Variants in B3GALT5 observed in about 807,000 individuals in gnomAD.
B3GALT5 encodes the protein UDP-Gal:betaGlcNAc beta 1,3-galactosyltransferase, polypeptide 5.
For missense variants in B3GALT5, 328 were observed against 396.6 expected (o/e 0.83, Z 1.47); for synonymous variants, 156 against 158.6 (o/e 0.98, Z 0.12).
Position 39,640,344 on chromosome 21 carries a change from A to C in B3GALT5, c.-391-6048A>C, listed in dbSNP as rs143300373. On this transcript the variant is annotated intron_variant, in intron 1 of 3. Coordinates refer to ENST00000684187, the MANE Select transcript of B3GALT5 (RefSeq NM_001356336.2). ...TCTTGGTTGGCTTGTCACCCTAGAGAGTGGCTGCTTAGGAGCCTAGTTGCA... is the reference window on the plus strand; with the variant it reads ...TCTTGGTTGGCTTGTCACCCTAGAGCGTGGCTGCTTAGGAGCCTAGTTGCA... Among the ~76,000 whole-genome samples, 277 of 152,238 alleles carry C rather than the reference A, an allele frequency of 1.8e-3. 1 individual carries two copies. The highest frequency in any genetic ancestry group is 6.1e-3 in the African/African-American group (253 of 41,544).
At chr21:39,627,945 C>T (rs1335770389) in intron 1 of B3GALT5, among the ~76,000 whole-genome samples, 1 of 152,140 alleles carries the variant, frequency 6.6e-6, no homozygotes, top group East Asian at 1.9e-4. Context: ...ATCAGTGTAA[C>T]TGTACACAGA....
intron 1 of B3GALT5, among the ~76,000 whole-genome samples, chr21:39,628,097 G>A (rs1053274881): frequency 6.6e-6 from 1 of 152,142 alleles, no homozygotes; most frequent in African/African-American, 2.4e-5. Context: ...GAAATTACGT[G>A]TGCAATAACA....
chr21:39,651,998 T>C (rs532786611), intron 2 of B3GALT5, among the ~76,000 whole-genome samples: 16 of 152,288 alleles, frequency 1.1e-4, no homozygotes, highest in Admixed American at 9.2e-4. Context: ...GATGTAAGGA[T>C]GTTTGTTGTG....
At position 39,659,684 on chromosome 21, in the gene B3GALT5, G is replaced by A. The variant is rs149852495; in HGVS notation, c.-160-69G>A. ...GGTTGGAAGGTGACGCTACAGACAC[G>A]GTAAATTGTGAAGGCCTGCTGGTAA... On this transcript the variant is annotated intron_variant, in intron 2 of 3. Transcript: ENST00000684187. 4,831 of 907,996 alleles carry A rather than the reference G, an allele frequency of 5.3e-3. 21 individuals are homozygous for A. Among genetic ancestry groups the A allele is most frequent in the Admixed American group, 8.3e-3 (135 of 16,190 alleles). 56.2% of individuals were successfully genotyped at this position (907,996 alleles called of 1,614,324 possible).
chr21:39,650,124 G>C (rs544315958), intron 2 of B3GALT5, among the ~76,000 whole-genome samples: 1 of 152,216 alleles, frequency 6.6e-6, no homozygotes. Flanking sequence ...TCCCGAGGCA[G>C]TGGAAGGGCC....
chr21:39,638,074 A>G (rs1395171099), intron 1 of B3GALT5, among the ~76,000 whole-genome samples: 12 of 152,170 alleles, frequency 7.9e-5, no homozygotes, highest in Admixed American at 7.9e-4. Flanking sequence ...AGAGGGGAAG[A>G]GAAGTGCTGG....
intron 1 of B3GALT5, among the ~76,000 whole-genome samples, 192 bp from the exon 2 acceptor site, chr21:39,646,200 A>G (rs1337634191): frequency 2.6e-5 from 4 of 150,964 alleles, no homozygotes; most frequent in African/African-American, 4.9e-5. Context: ...GCTTCTCAAC[A>G]CTCCTGAGGA....
At position 39,634,149 on chromosome 21, in the gene B3GALT5, C is replaced by T. The variant is rs142580705; in HGVS notation, c.-391-12243C>T. Reference sequence around the variant, plus strand: ...CTACCCAATTCTGTTTTCTTTTCAACGTCGGGTCTTATTAAATTGACTTGG... The same window carrying T: ...CTACCCAATTCTGTTTTCTTTTCAATGTCGGGTCTTATTAAATTGACTTGG... On this transcript the variant is annotated intron_variant, in intron 1 of 3. Transcript: ENST00000684187. 5.1e-4 allele frequency among the ~76,000 whole-genome samples: 77 copies of T among 152,252 alleles called. No homozygotes were observed. In the East Asian group the frequency reaches 7.5e-3, roughly 15 times the overall value.
At chr21:39,639,429 T>C in intron 1 of B3GALT5, among the ~76,000 whole-genome samples, 1 of 115,338 alleles carries the variant, frequency 8.7e-6, no homozygotes, top group Non-Finnish European at 1.9e-5. Context: ...TCTTTCTTTC[T>C]TTCTTTCTTT....
rs1002449398 is a variant in B3GALT5 at position 39,646,111 on chromosome 21, A to G, written c.-391-281A>G. Among the ~76,000 whole-genome samples the G allele has an allele frequency of 1.7e-4, 26 of 151,994 alleles. 1 individual carries two copies. Among genetic ancestry groups the G allele is most frequent in the African/African-American group, 5.6e-4 (23 of 41,354 alleles). ...TCGAGAACAGAGAATGCGTGGTGCG[A>G]CCGAAGGTCTCCTGCTGGTGTGGAA... On this transcript the variant is annotated intron_variant, in intron 1 of 3. Coordinates refer to ENST00000684187, the MANE Select transcript of B3GALT5 (RefSeq NM_001356336.2).
chr21:39,629,508 A>C (rs1338924692), intron 1 of B3GALT5, among the ~76,000 whole-genome samples: 2 of 151,922 alleles, frequency 1.3e-5, no homozygotes, highest in African/African-American at 4.8e-5. Flanking sequence ...TAATTTTATT[A>C]TTCCTGCTAT....
At chr21:39,633,408 T>G (rs118127970) in intron 1 of B3GALT5, among the ~76,000 whole-genome samples, 1 of 152,340 alleles carries the variant, frequency 6.6e-6, no homozygotes, top group East Asian at 1.9e-4. Context: ...GTTAACAGAA[T>G]AGTGCTATGG....
intron 1 of B3GALT5, among the ~76,000 whole-genome samples, chr21:39,640,295 G>A (rs566846061): frequency 6.6e-6 from 1 of 152,118 alleles, no homozygotes; most frequent in African/African-American, 2.4e-5. Flanking sequence ...GATAAGCAGG[G>A]TCCCACCAGC....
In B3GALT5 at chr21:39,633,520, C is replaced by T. The variant is rs544026817; in HGVS notation, c.-391-12872C>T. On this transcript the variant is annotated intron_variant, in intron 1 of 3. Coordinates refer to ENST00000684187, the MANE Select transcript of B3GALT5 (RefSeq NM_001356336.2). Reference sequence around the variant, plus strand: ...CACTGTGAAATGGGTTTCTAAGGGGCGATATTATAATTTGCTTTCTTAAGA... The same window carrying T: ...CACTGTGAAATGGGTTTCTAAGGGGTGATATTATAATTTGCTTTCTTAAGA... Among the ~76,000 whole-genome samples the T allele has an allele frequency of 7.2e-5, 11 of 152,182 alleles. No individual in the cohort carries two copies. The East Asian group carries it at 1.2e-3, about 16-fold the overall frequency.
chr21:39,638,294 C>T (rs1286053030), intron 1 of B3GALT5, among the ~76,000 whole-genome samples: 1 of 152,180 alleles, frequency 6.6e-6, no homozygotes, highest in Non-Finnish European at 1.5e-5. Context: ...AGCAGGCAGA[C>T]ACACAGGTGG....
At position 39,668,206 on chromosome 21, in the gene B3GALT5, G is replaced by A. The variant is rs765708570; in HGVS notation, c.*6714G>A. 6.6e-6 allele frequency: 1 copy of A among 152,320 alleles called. No homozygotes were observed. Among genetic ancestry groups the A allele is most frequent in the Non-Finnish European group, 1.5e-5 (1 of 68,152 alleles). The allele number at this position is 152,320 out of a possible 1,614,324, so 9.4% of individuals were successfully genotyped here. On this transcript the variant is annotated 3_prime_UTR_variant, in exon 4 of 4. Transcript: ENST00000684187. ...CCGGGCTGACCCCAAGTACCAGAGAGGTCTCCATGGCCCCAGGCTGCAGAG... is the reference window on the plus strand; with the variant it reads ...CCGGGCTGACCCCAAGTACCAGAGAAGTCTCCATGGCCCCAGGCTGCAGAG...
At chr21:39,650,409 G>A (rs2079383394) in intron 2 of B3GALT5, among the ~76,000 whole-genome samples, 1 of 152,182 alleles carries the variant, frequency 6.6e-6, no homozygotes, top group South Asian at 2.1e-4. Context: ...GTGTGGCCAG[G>A]GCAATACCTC....
At position 39,612,952 on chromosome 21, in the gene B3GALT5, G is replaced by A. The variant is rs1296195044; in HGVS notation, c.-507G>A. 6.6e-6 allele frequency: 1 copy of A among 151,828 alleles called. No individual in the cohort carries two copies. Among genetic ancestry groups the A allele is most frequent in the African/African-American group, 2.4e-5 (1 of 41,416 alleles). The allele number at this position is 151,828 out of a possible 1,614,324, so 9.4% of individuals were successfully genotyped here. A position where few individuals can be genotyped will look rare whatever the true frequency, so the allele number is the denominator to read the frequency against. Reference sequence around the variant, plus strand: ...GGGGAGCAAAACCATCCTCGGCCTGGACCCAGCGCCTCCGGGGACCGGCCG... The same window carrying A: ...GGGGAGCAAAACCATCCTCGGCCTGAACCCAGCGCCTCCGGGGACCGGCCG... On this transcript the variant is annotated 5_prime_UTR_variant, in exon 1 of 4. Transcript: ENST00000684187.
Position 39,644,609 on chromosome 21 carries a change from A to C in B3GALT5, c.-391-1783A>C, listed in dbSNP as rs10483055. Among the ~76,000 whole-genome samples the C allele has an allele frequency of 2.0e-3, 302 of 152,332 alleles. 3 individuals are homozygous for C. In the East Asian group the frequency reaches 0.025, roughly 12 times the overall value. On this transcript the variant is annotated intron_variant, in intron 1 of 3. Transcript: ENST00000684187. ...TTACAGAACCATTGTCTGACCTTCG[A>C]AACGATGGCGTGTATCCCTAGAGAG... is the stretch of plus-strand genomic sequence containing the variant.
Sources: allele counts gnomAD v4.1 joint callset (sites outside exome capture counted in the v4.1 genomes callset), GRCh38; gene constraint gnomAD v4.1.1; transcripts MANE v1.5; gene names NCBI Gene and HGNC (gene_info 2026-07-23, HGNC 2026-07-21).